MAPK8: variants seen among roughly 807,000 people sequenced by gnomAD.
The protein encoded by MAPK8 is JUN N-terminal kinase.
In MAPK8, 13 loss-of-function variants were observed where a neutral mutation model predicts 52.9. The observed-to-expected ratio is 0.25, with a 90% CI of 0.16 to 0.39. The LOEUF is 0.39. Among genes scored for constraint, MAPK8 ranks in the 10% least tolerant of loss-of-function variants. The pLI, the probability that MAPK8 is intolerant of heterozygous loss-of-function variation, is 1.00. For synonymous variants in MAPK8, 191 were observed against 169.8 expected (o/e 1.12, Z -0.97); for missense variants, 300 against 519.2 (o/e 0.58, Z 4.10).
intron 1 of MAPK8, among the ~76,000 whole-genome samples, chr10:48,309,062 G>C (rs942782239): frequency 6.6e-6 from 1 of 152,336 alleles, no homozygotes; most frequent in African/African-American, 2.4e-5. Flanking sequence ...GCTTTACCTA[G>C]TTAGGGTATG....
intron 6 of MAPK8, among the ~76,000 whole-genome samples, chr10:48,420,546 A>G (rs756993079): frequency 7.2e-5 from 11 of 152,170 alleles, no homozygotes; most frequent in Non-Finnish European, 1.3e-4. Context: ...CAGTACTACC[A>G]TTGGATGAAG....
chr10:48,316,178 G>A (rs185357045), intron 1 of MAPK8, among the ~76,000 whole-genome samples: 1 of 152,316 alleles, frequency 6.6e-6, no homozygotes, highest in Admixed American at 6.5e-5. Context: ...GTCCATTACA[G>A]ACCACATATG....
chr10:48,393,996 G>A (rs1309469061), intron 1 of MAPK8, among the ~76,000 whole-genome samples: 5 of 151,690 alleles, frequency 3.3e-5, no homozygotes, highest in Non-Finnish European at 7.4e-5. Context: ...GGAGAGATGA[G>A]TATAGATTCT....
At chr10:48,367,653 T>C (rs1848176146) in intron 1 of MAPK8, among the ~76,000 whole-genome samples, 1 of 152,212 alleles carries the variant, frequency 6.6e-6, no homozygotes, top group Admixed American at 6.5e-5. Flanking sequence ...GTTTTATCTT[T>C]GCATAATCTG....
chr10:48,424,242 TAC>T, intron 7 of MAPK8, 83 bp downstream of exon 7: 1 of 1,256,596 alleles, frequency 8.0e-7, no homozygotes, highest in Non-Finnish European at 1.1e-6. Context: ...ATGCTACATT[TAC>T]ACAGATGGGT....
chr10:48,436,513 A>G lies in MAPK8; in HGVS notation c.*1484A>G, dbSNP rs1039929672. 6.6e-6 allele frequency: 1 copy of G among 152,214 alleles called. No individual in the cohort carries two copies. Among genetic ancestry groups the G allele is most frequent in the Admixed American group, 6.5e-5 (1 of 15,284 alleles). The allele number at this position is 152,214 out of a possible 1,614,324, so 9.4% of individuals were successfully genotyped here. On this transcript the variant is annotated 3_prime_UTR_variant, in exon 12 of 12. Coordinates refer to ENST00000374189, the MANE Select transcript of MAPK8 (RefSeq NM_001323329.2). The stretch of plus-strand genomic sequence containing the variant: ...CAAGAGGGATTTCATGTAATGAACT[A>G]GGAAATGCATACTCACATAAGCAAC...
At chr10:48,324,509 T>TG (rs959738748) in intron 1 of MAPK8, among the ~76,000 whole-genome samples, 4 of 149,410 alleles carry the variant, frequency 2.7e-5, no homozygotes, top group Non-Finnish European at 5.9e-5. Context: ...TCTAGTTTTT[T>TG]TTTTTTTTTT....
At chr10:48,401,528 A>G (rs1475649114) in intron 1 of MAPK8, 84 bp from the exon 2 acceptor site, 10 of 785,180 alleles carry the variant, frequency 1.3e-5, no homozygotes, top group Non-Finnish European at 1.8e-5. Context: ...CTGTGTTACT[A>G]TCAGTACGTA....
At chr10:48,427,593 G>A (rs1398587049) in intron 10 of MAPK8, among the ~76,000 whole-genome samples, 2 of 152,068 alleles carry the variant, frequency 1.3e-5, no homozygotes, top group African/African-American at 4.8e-5. Context: ...CCGGGTTCAC[G>A]CCATTCTCCT....
intron 1 of MAPK8, among the ~76,000 whole-genome samples, chr10:48,347,403 AT>A (rs1011725723): frequency 2.0e-5 from 3 of 152,114 alleles, no homozygotes; most frequent in African/African-American, 7.2e-5. Flanking sequence ...TTTGACAAGA[AT>A]TTTTTTATTG....
intron 5 of MAPK8, among the ~76,000 whole-genome samples, chr10:48,418,723 G>T (rs892258834): frequency 2.0e-5 from 3 of 152,218 alleles, no homozygotes; most frequent in African/African-American, 7.2e-5. Context: ...GTAATTAACA[G>T]CTGTAAGGTA....
rs2133379746 is a variant in MAPK8, at chr10:48,433,909, A to G, written c.1139-975A>G. 1.3e-5 allele frequency among the ~76,000 whole-genome samples: 2 copies of G among 152,310 alleles called. 1 individual carries two copies. Among genetic ancestry groups the G allele is most frequent in the South Asian group, 4.1e-4 (2 of 4,828 alleles). ...TTGAAGACCATTGATTTTATTTCAT[A>G]AATGTATTCTTGAGAACTTTTAAGT... On this transcript the variant is annotated intron_variant, in intron 11 of 11. Transcript: ENST00000374189.
intron 1 of MAPK8, among the ~76,000 whole-genome samples, chr10:48,332,982 G>A (rs567497148): frequency 6.6e-6 from 1 of 152,144 alleles, no homozygotes; most frequent in Admixed American, 6.5e-5. Context: ...CTCACATAAG[G>A]AGTGTTTATT....
intron 1 of MAPK8, among the ~76,000 whole-genome samples, chr10:48,376,723 A>G (rs1305303821): frequency 6.6e-6 from 1 of 151,928 alleles, no homozygotes; most frequent in Non-Finnish European, 1.5e-5. Flanking sequence ...TTAAAAAATC[A>G]GGAAACAGAT....
intron 1 of MAPK8, among the ~76,000 whole-genome samples, chr10:48,360,215 A>G (rs964084510): frequency 2.6e-5 from 4 of 152,210 alleles, no homozygotes; most frequent in African/African-American, 9.6e-5. Context: ...GTTGAACTAG[A>G]AAGAGACTTC....
chr10:48,340,535 A>G (rs1049899172), intron 1 of MAPK8, among the ~76,000 whole-genome samples: 1 of 152,198 alleles, frequency 6.6e-6, no homozygotes, highest in Admixed American at 6.5e-5. Flanking sequence ...CCCTGAATCT[A>G]TACTTAAAAT....
intron 1 of MAPK8, among the ~76,000 whole-genome samples, chr10:48,336,338 G>T (rs1292323369): frequency 6.6e-6 from 1 of 152,048 alleles, no homozygotes; most frequent in African/African-American, 2.4e-5. Flanking sequence ...ATTTACACAA[G>T]AAAACAGCTA....
intron 1 of MAPK8, among the ~76,000 whole-genome samples, chr10:48,385,981 C>G (rs183831687): frequency 6.1e-4 from 93 of 152,106 alleles, no homozygotes; most frequent in African/African-American, 1.5e-3. Flanking sequence ...AAAATCTGAT[C>G]ATAATTACGT....
At chr10:48,382,823 C>G (rs2041081121) in intron 1 of MAPK8, among the ~76,000 whole-genome samples, 1 of 145,316 alleles carries the variant, frequency 6.9e-6, no homozygotes, top group African/African-American at 2.5e-5. Context: ...ATATATGACT[C>G]AGGCTAGCTA....
Sources: allele counts gnomAD v4.1 joint callset (sites outside exome capture counted in the v4.1 genomes callset), GRCh38; gene constraint gnomAD v4.1.1; transcripts MANE v1.5; gene names NCBI Gene and HGNC (gene_info 2026-07-23, HGNC 2026-07-21).